The following NUDT7 variants were observed in gnomAD, a reference collection of about 807,000 sequenced individuals.
NUDT7 encodes nudix hydrolase 7.
Under a neutral mutation model 13.1 loss-of-function variants are expected in NUDT7, and 19 were observed. That is an observed-to-expected ratio of 1.45 (90% CI 1.01 to 2.13). The LOEUF (loss-of-function observed/expected upper bound fraction) is 2.13. Ranked by LOEUF, NUDT7 falls within the 30% of genes most tolerant of loss-of-function variation. NUDT7 has a pLI of 0.00. For synonymous variants in NUDT7, 132 were observed against 109.7 expected, an observed-to-expected ratio of 1.20 and a Z score of -1.27; for missense variants, 360 against 291.7, an observed-to-expected ratio of 1.23 and a Z score of -1.71.
At chr16:77,724,519 C>T (rs1377268614) in intron 1 of NUDT7, among the ~76,000 whole-genome samples, 2 of 152,132 alleles carry the variant, frequency 1.3e-5, no homozygotes, top group African/African-American at 4.8e-5. Context: ...GCAATTCTCC[C>T]GCCTCAACCT....
At chr16:77,728,100 C>T (rs1490621272) in intron 2 of NUDT7, among the ~76,000 whole-genome samples, 1 of 152,100 alleles carries the variant, frequency 6.6e-6, no homozygotes, top group Non-Finnish European at 1.5e-5. Flanking sequence ...CTCTGGAGCT[C>T]TACTGGAGCT....
chr16:77,727,854 C>A (rs547117753), intron 2 of NUDT7, among the ~76,000 whole-genome samples: 381 of 148,662 alleles, frequency 2.6e-3, no homozygotes, highest in Non-Finnish European at 4.2e-3. Context: ...AAGACTCCAT[C>A]TCAATAATGA....
Position 77,735,899 on chromosome 16 carries a change from C to T in NUDT7, c.261C>T (p.Ala87=). 1 of 1,614,028 alleles carries T rather than the reference C, an allele frequency of 6.2e-7. No homozygotes were observed. Among genetic ancestry groups the T allele is most frequent in the Non-Finnish European group, 8.5e-7 (1 of 1,179,964 alleles). The part of the protein sequence containing the change: ...KRDPTDMDDA[A]TALREAQEEV... The stretch of plus-strand genomic sequence containing the variant: ...ACCCTACAGACATGGATGATGCAGC[C>T]ACAGCTCTCCGGGAAGCCCAGGAGG... The change falls in exon 3 of 4, where the codon GCC becomes GCT. Residue 87 remains alanine (A), a synonymous_variant. Transcript: ENST00000268533.
intron 3 of NUDT7, 49 bp downstream of exon 3, chr16:77,736,035 G>C: frequency 6.4e-7 from 1 of 1,551,628 alleles, no homozygotes; most frequent in Non-Finnish European, 8.9e-7. Context: ...CCCCCAGGTG[G>C]ATCTACTGTT....
intron 2 of NUDT7, among the ~76,000 whole-genome samples, chr16:77,730,774 C>T (rs996005094): frequency 2.6e-5 from 4 of 151,292 alleles, no homozygotes. Context: ...ACAACACTTA[C>T]GTTTTGTTTT....
At chr16:77,735,387 G>A (rs546658927) in intron 2 of NUDT7, 18 of 556,582 alleles carry the variant, frequency 3.2e-5, no homozygotes, top group South Asian at 2.1e-4. Context: ...TCTGTCTCCC[G>A]CTCCAGCCAT....
intron 3 of NUDT7, chr16:77,736,280 A>C (rs1460675229): frequency 3.7e-6 from 1 of 271,420 alleles, no homozygotes; most frequent in Non-Finnish European, 7.0e-6. Context: ...ATTAACATTC[A>C]GTTCACATTT....
chr16:77,736,214 C>G (rs1483781412), intron 3 of NUDT7: 1 of 467,888 alleles, frequency 2.1e-6, no homozygotes, highest in African/African-American at 1.9e-5. Context: ...GGTTGAACTC[C>G]CATCAGTGGA....
chr16:77,724,790 G>A (rs1483244203), intron 1 of NUDT7, among the ~76,000 whole-genome samples: 10 of 152,144 alleles, frequency 6.6e-5, no homozygotes, highest in Non-Finnish European at 7.4e-5. Flanking sequence ...CACCATTTGC[G>A]GTTTTAAATC....
chr16:77,741,968 C>G lies in NUDT7; in HGVS notation c.*18C>G, dbSNP rs765443249. On this transcript the variant is annotated 3_prime_UTR_variant, in exon 4 of 4. Transcript: ENST00000268533. ...GGTTATGATTTACTAGAGCAAGAGA[C>G]AAAGAACTATTCACGAGGATTCTGT... The G allele has an allele frequency of 3.2e-6, 5 of 1,558,186 alleles. No individual in the cohort carries two copies. The Admixed American group carries it at 5.7e-5, about 18-fold the overall frequency.
Position 77,742,195 on chromosome 16 carries a change from TTAC to T in NUDT7, c.*246_*248del, listed in dbSNP as rs2014690669. The T allele has an allele frequency of 9.7e-7, 1 of 1,029,276 alleles. No individual in the cohort carries two copies. The highest frequency in any genetic ancestry group is 1.2e-6 in the Non-Finnish European group (1 of 812,674). The allele number at this position is 1,029,276 out of a possible 1,614,324, so 63.8% of individuals were successfully genotyped here. ...CCACAATATGTTAATAATATTTTTC[TTAC>T]ACATATAATAAAGAATATCTGGCAC... On this transcript the variant is annotated 3_prime_UTR_variant, in exon 4 of 4. Transcript: ENST00000268533.
intron 3 of NUDT7, chr16:77,736,765 T>C (rs1415322050): frequency 5.5e-6 from 1 of 182,472 alleles, no homozygotes; most frequent in Non-Finnish European, 1.2e-5. Context: ...TGTGCTCAGC[T>C]TCTGATCTTA....
At position 77,741,687 on chromosome 16, in the gene NUDT7, T is replaced by A. The variant is rs1171239160; in HGVS notation, c.454T>A (p.Phe152Ile). The A allele has an allele frequency of 2.5e-6, 4 of 1,614,194 alleles. No individual in the cohort carries two copies. In the Admixed American group the frequency reaches 5.0e-5, roughly 20 times the overall value. ...KDVFLVPLAY[F>I]LHPQVHDQHY... Reference sequence around the variant, plus strand: ...TGTATTCCTGGTGCCTCTGGCCTATTTCCTGCATCCACAGGTCCATGACCA... The same window carrying A: ...TGTATTCCTGGTGCCTCTGGCCTATATCCTGCATCCACAGGTCCATGACCA... Residue 152 changes from phenylalanine to isoleucine, a missense_variant, in exon 4 of 4, where the codon TTC becomes ATC. Coordinates refer to ENST00000268533, the MANE Select transcript of NUDT7 (RefSeq NM_001105663.3).
At chr16:77,736,153 G>C in intron 3 of NUDT7, 167 bp downstream of exon 3, 1 of 612,102 alleles carries the variant, frequency 1.6e-6, no homozygotes, top group Non-Finnish European at 2.8e-6. Context: ...GTGGCTATGG[G>C]CAACCCCTTT....
At chr16:77,727,577 G>C (rs541522640) in intron 2 of NUDT7, among the ~76,000 whole-genome samples, 1 of 152,226 alleles carries the variant, frequency 6.6e-6, no homozygotes, top group Admixed American at 6.5e-5. Flanking sequence ...AGATATGGCC[G>C]TGTGCGGTGG....
intron 2 of NUDT7, among the ~76,000 whole-genome samples, chr16:77,726,394 G>A (rs1016253269): frequency 6.6e-6 from 1 of 152,220 alleles, no homozygotes; most frequent in African/African-American, 2.4e-5. Flanking sequence ...TGACCTGTCA[G>A]ACATGACCTG....
chr16:77,742,112 GA>G lies in NUDT7; in HGVS notation c.*167del, dbSNP rs1567434675. ...CTTTTCCAGTTGCCTTCTATTGTCT[GA>G]AAAAGTAAAAGCCATTCAAAAATGA... On this transcript the variant is annotated 3_prime_UTR_variant, in exon 4 of 4. Coordinates refer to ENST00000268533, the MANE Select transcript of NUDT7 (RefSeq NM_001105663.3). 7.3e-7 allele frequency: 1 copy of G among 1,374,306 alleles called. No homozygotes were observed. The highest frequency in any genetic ancestry group is 3.3e-5 in the Admixed American group (1 of 29,866). The allele number at this position is 1,374,306 out of a possible 1,614,324, so 85.1% of individuals were successfully genotyped here. A position where few individuals can be genotyped will look rare whatever the true frequency, so the allele number is the denominator to read the frequency against.
At chr16:77,736,240 CATA>C (rs2014481060) in intron 3 of NUDT7, 2 of 428,432 alleles carry the variant, frequency 4.7e-6, no homozygotes, top group African/African-American at 3.9e-5. Flanking sequence ...AACTGGATGC[CATA>C]GAACCCTAGA....
intron 2 of NUDT7, 60 bp downstream of exon 2, chr16:77,725,644 T>G (rs1429493449): frequency 2.6e-6 from 4 of 1,522,414 alleles, no homozygotes; most frequent in Non-Finnish European, 3.6e-6. Flanking sequence ...CCTCACGAGA[T>G]TTTGTCACTT....
Sources: allele counts gnomAD v4.1 joint callset (sites outside exome capture counted in the v4.1 genomes callset), GRCh38; gene constraint gnomAD v4.1.1; transcripts MANE v1.5; gene names NCBI Gene and HGNC (gene_info 2026-07-23, HGNC 2026-07-21).